Variants in NBEA observed in about 807,000 individuals in gnomAD.
The protein encoded by NBEA is neurobeachin.
In NBEA, 44 loss-of-function variants were observed where a neutral mutation model predicts 343.4. The ratio of observed to expected loss-of-function variants is 0.13; its 90% confidence interval spans 0.10 to 0.16. The LOEUF is 0.16. Among genes scored for constraint, NBEA ranks in the 10% least tolerant of loss-of-function variants. The probability of loss-of-function intolerance (pLI) is 1.00; values close to 1 mark genes in which losing one functional copy is unlikely to be tolerated. For synonymous variants in NBEA, 1,175 were observed against 1,238.7 expected (o/e 0.95, Z 1.08); for missense variants, 2,555 against 3,631.3 (o/e 0.70, Z 7.62).
chr13:35,068,484 T>A (rs2063739069), intron 8 of NBEA, among the ~76,000 whole-genome samples: 1 of 152,184 alleles, frequency 6.6e-6, no homozygotes, highest in Admixed American at 6.6e-5. Context: ...AACTTATCTG[T>A]GTGTTTTAAT....
chr13:35,660,292 T>A (rs946275685), intron 55 of NBEA, among the ~76,000 whole-genome samples: 1 of 152,348 alleles, frequency 6.6e-6, no homozygotes, highest in African/African-American at 2.4e-5. Context: ...AGTTTTAATG[T>A]TTATACCACA....
Position 35,432,315 on chromosome 13 carries a change from C to T in NBEA, c.6226C>T (p.Arg2076Cys), listed in dbSNP as rs937383651. Residue 2076 changes from arginine to cysteine, a missense_variant, in exon 39 of 59, where the codon CGT (arginine) becomes TGT (cysteine). Transcript: ENST00000379939. ...WRLDYWEDDL[R>C]RRRRFVRNAF... Reference sequence around the variant, plus strand: ...TTTGGATTACTGGGAAGATGATCTTCGTCGAAGGAGACGATTTGTTCGCAA... The same window carrying T: ...TTTGGATTACTGGGAAGATGATCTTTGTCGAAGGAGACGATTTGTTCGCAA... 3 of 1,606,994 alleles carry T rather than the reference C, an allele frequency of 1.9e-6. No homozygotes were observed. The highest frequency in any genetic ancestry group is 2.2e-5 in the East Asian group (1 of 44,712).
chr13:34,954,172 G>A (rs994291191), intron 1 of NBEA, among the ~76,000 whole-genome samples: 2 of 152,148 alleles, frequency 1.3e-5, no homozygotes, highest in African/African-American at 4.8e-5. Context: ...ATACAGGAGG[G>A]TGTGCATAGG....
intron 10 of NBEA, among the ~76,000 whole-genome samples, chr13:35,093,262 G>A (rs2065174902): frequency 6.6e-6 from 1 of 151,454 alleles, no homozygotes; most frequent in African/African-American, 2.4e-5. Context: ...TTTTGATTGT[G>A]GTGGTGGTTA....
intron 35 of NBEA, among the ~76,000 whole-genome samples, chr13:35,293,257 T>G (rs2035911726): frequency 6.6e-6 from 1 of 152,000 alleles, no homozygotes; most frequent in Non-Finnish European, 1.5e-5. Flanking sequence ...CCAATGTAAT[T>G]TTTCATCTTT....
intron 38 of NBEA, among the ~76,000 whole-genome samples, chr13:35,400,791 A>G (rs1298002411): frequency 6.6e-6 from 1 of 152,038 alleles, no homozygotes; most frequent in Non-Finnish European, 1.5e-5. Flanking sequence ...AGCAAAATTC[A>G]TTTATCCATT....
chr13:35,459,015 C>A (rs57919238), intron 40 of NBEA, among the ~76,000 whole-genome samples: 32,882 of 104,852 alleles, frequency 0.31, 6,242 homozygotes, highest in Middle Eastern at 0.47. Flanking sequence ...GCCCCCCCCC[C>A]CCCACACACA....
intron 6 of NBEA, among the ~76,000 whole-genome samples, chr13:35,051,680 G>A (rs1297013375): frequency 6.6e-6 from 1 of 151,764 alleles, no homozygotes; most frequent in Non-Finnish European, 1.5e-5. Context: ...CAATCACATT[G>A]CCTTTGCTCT....
intron 1 of NBEA, among the ~76,000 whole-genome samples, chr13:34,989,149 A>G (rs1335302023): frequency 6.6e-6 from 1 of 150,974 alleles, no homozygotes; most frequent in African/African-American, 2.4e-5. Flanking sequence ...TTTTCAGTCT[A>G]GAGTTGTTAC....
intron 35 of NBEA, among the ~76,000 whole-genome samples, chr13:35,301,409 A>G (rs1367506451): frequency 9.9e-5 from 15 of 151,008 alleles, no homozygotes; most frequent in Admixed American, 6.6e-5. Flanking sequence ...TCATTGTTCA[A>G]CTCCCACTTA....
At chr13:35,450,624 C>T (rs1594680444) in intron 39 of NBEA, among the ~76,000 whole-genome samples, 1 of 152,110 alleles carries the variant, frequency 6.6e-6, no homozygotes, top group Admixed American at 6.6e-5. Flanking sequence ...TTTGGAGAGC[C>T]ATTGTTTATG....
At chr13:34,966,762 A>G (rs1016501808) in intron 1 of NBEA, among the ~76,000 whole-genome samples, 8 of 151,666 alleles carry the variant, frequency 5.3e-5, no homozygotes, top group African/African-American at 1.5e-4. Context: ...AGAGAATTCT[A>G]TATATAACAG....
intron 16 of NBEA, among the ~76,000 whole-genome samples, chr13:35,118,720 G>A (rs1399808322): frequency 6.6e-6 from 1 of 151,982 alleles, no homozygotes; most frequent in Non-Finnish European, 1.5e-5. Flanking sequence ...TACAAATTGT[G>A]AATAGAGCAT....
In NBEA at chr13:35,207,717, T is replaced by A. The variant is rs2073489858; in HGVS notation, c.5367-983T>A. ...AACCTGGGGAAATGTTGAACTCCTC[T>A]GTTAAAGAAACCAAGGCTCAAAAGT... On this transcript the variant is annotated intron_variant, in intron 31 of 58. Transcript: ENST00000379939. Among the ~76,000 whole-genome samples, 2 of 152,154 alleles carry A rather than the reference T, an allele frequency of 1.3e-5. 1 individual carries two copies. The highest frequency in any genetic ancestry group is 4.1e-4 in the South Asian group (2 of 4,834).
chr13:35,001,994 A>G (rs1593424912), intron 1 of NBEA, among the ~76,000 whole-genome samples: 1 of 152,304 alleles, frequency 6.6e-6, no homozygotes, highest in East Asian at 1.9e-4. Flanking sequence ...GAATATGAGT[A>G]AAACAATGGA....
intron 38 of NBEA, among the ~76,000 whole-genome samples, chr13:35,362,449 A>T (rs2040861556): frequency 6.6e-6 from 1 of 151,960 alleles, no homozygotes; most frequent in African/African-American, 2.4e-5. Flanking sequence ...TTTTCCCAGC[A>T]ATTTTTATAT....
At chr13:35,574,431 GA>G (rs1429259930) in intron 45 of NBEA, among the ~76,000 whole-genome samples, 1 of 140,548 alleles carries the variant, frequency 7.1e-6, no homozygotes, top group East Asian at 2.1e-4. Flanking sequence ...AAAGAAAAAA[GA>G]AAAACTCTCC....
At chr13:35,419,072 T>C (rs975961365) in intron 38 of NBEA, among the ~76,000 whole-genome samples, 3 of 152,078 alleles carry the variant, frequency 2.0e-5, no homozygotes, top group African/African-American at 7.2e-5. Context: ...AAACATGGTT[T>C]GTGTTAAGTA....
chr13:35,190,651 C>T (rs1392030890), intron 30 of NBEA, among the ~76,000 whole-genome samples: 1 of 152,070 alleles, frequency 6.6e-6, no homozygotes. Context: ...CAAGAACAAA[C>T]TGTAGGTGGG....
Sources: gnomAD v4.1 joint callset for allele counts (sites outside exome capture counted in the v4.1 genomes callset) on GRCh38, gnomAD v4.1.1 for gene constraint, MANE v1.5 for transcripts, NCBI Gene and HGNC (gene_info 2026-07-23, HGNC 2026-07-21) for gene names.